Variants in KIAA1217 observed in about 807,000 individuals in gnomAD.
The protein encoded by KIAA1217 is sickle tail protein homolog.
Under a neutral mutation model 163.9 loss-of-function variants are expected in KIAA1217, and 88 were observed. That is an observed-to-expected ratio of 0.54 (90% CI 0.45 to 0.64). The LOEUF is 0.64. Ranked by LOEUF, KIAA1217 falls within the 30% of genes least tolerant of loss-of-function variation. KIAA1217 has a pLI of 0.00. For synonymous variants in KIAA1217, 903 were observed against 923.1 expected, an observed-to-expected ratio of 0.98 and a Z score of 0.39; for missense variants, 2,372 against 2,475.0, an observed-to-expected ratio of 0.96 and a Z score of 0.88.
intron 5 of KIAA1217, among the ~76,000 whole-genome samples, chr10:24,470,141 C>T (rs1008523965): frequency 7.9e-5 from 12 of 152,122 alleles, no homozygotes; most frequent in Admixed American, 1.3e-4. Flanking sequence ...CTGAGCCAGT[C>T]CCTCCTGTAT....
intron 2 of KIAA1217, among the ~76,000 whole-genome samples, chr10:24,324,367 G>A (rs965151304): frequency 6.6e-6 from 1 of 152,120 alleles, no homozygotes; most frequent in African/African-American, 2.4e-5. Context: ...AGGAGTTTAA[G>A]ACCAGCCTGT....
At chr10:23,956,117 C>CT (rs34526244) in intron 1 of KIAA1217, among the ~76,000 whole-genome samples, 2 of 151,692 alleles carry the variant, frequency 1.3e-5, no homozygotes, top group South Asian at 2.1e-4. Context: ...TCTCAAAGTT[C>CT]TTTTTTTAGG....
At chr10:24,054,085 G>T (rs940519548) in intron 2 of KIAA1217, among the ~76,000 whole-genome samples, 2 of 152,182 alleles carry the variant, frequency 1.3e-5, no homozygotes, top group African/African-American at 2.4e-5. Flanking sequence ...CAAGATGAAG[G>T]CCATGAGAGA....
intron 2 of KIAA1217, among the ~76,000 whole-genome samples, chr10:24,378,516 T>A (rs188577923): frequency 2.0e-5 from 3 of 152,312 alleles, no homozygotes; most frequent in East Asian, 1.9e-4. Flanking sequence ...GTCCATCTAT[T>A]GCATATATAT....
chr10:24,104,495 G>T (rs892087895), intron 2 of KIAA1217, among the ~76,000 whole-genome samples: 8 of 152,144 alleles, frequency 5.3e-5, no homozygotes, highest in African/African-American at 1.9e-4. Flanking sequence ...AAAGATCAGT[G>T]GTTGTCAGGT....
chr10:23,722,685 T>A (rs1837933291), intron 1 of KIAA1217, among the ~76,000 whole-genome samples: 1 of 152,212 alleles, frequency 6.6e-6, no homozygotes, highest in Non-Finnish European at 1.5e-5. Context: ...ATACCACAAT[T>A]ATTGGTGAGG....
intron 2 of KIAA1217, among the ~76,000 whole-genome samples, chr10:24,027,748 A>G (rs1204055691): frequency 2.6e-5 from 4 of 152,140 alleles, no homozygotes; most frequent in African/African-American, 9.7e-5. Flanking sequence ...TTCACATGGA[A>G]CTTAATAAGA....
chr10:24,047,540 A>G (rs953145112), intron 2 of KIAA1217, among the ~76,000 whole-genome samples: 1 of 152,210 alleles, frequency 6.6e-6, no homozygotes, highest in South Asian at 2.1e-4. Context: ...CTCTATTTAC[A>G]TACCTACAAT....
chr10:24,059,638 C>T (rs953592934), intron 2 of KIAA1217, among the ~76,000 whole-genome samples: 48 of 151,998 alleles, frequency 3.2e-4, no homozygotes, highest in African/African-American at 1.1e-3. Flanking sequence ...AGTGCAGTGG[C>T]GTGATCTTGG....
intron 1 of KIAA1217, among the ~76,000 whole-genome samples, chr10:23,946,007 T>A (rs1022008566): frequency 6.6e-6 from 1 of 152,212 alleles, no homozygotes; most frequent in Non-Finnish European, 1.5e-5. Flanking sequence ...TTAAGTTCCA[T>A]GTCAATAGTA....
chr10:24,372,938 C>A (rs1284453309), intron 2 of KIAA1217, among the ~76,000 whole-genome samples: 1 of 152,202 alleles, frequency 6.6e-6, no homozygotes, highest in Non-Finnish European at 1.5e-5. Flanking sequence ...CCAAATCAAA[C>A]CAATCTATCC....
intron 2 of KIAA1217, among the ~76,000 whole-genome samples, chr10:24,009,375 A>T (rs546272745): frequency 2.6e-5 from 4 of 151,948 alleles, no homozygotes; most frequent in African/African-American, 7.2e-5. Context: ...CAGAACATCG[A>T]CAGGGATTTT....
intron 2 of KIAA1217, among the ~76,000 whole-genome samples, chr10:24,012,998 C>G (rs1847305573): frequency 6.6e-6 from 1 of 152,154 alleles, no homozygotes; most frequent in South Asian, 2.1e-4. Flanking sequence ...TATTTATAAT[C>G]TTCAAATCAG....
At chr10:24,438,895 T>C (rs2060269916) in intron 5 of KIAA1217, among the ~76,000 whole-genome samples, 1 of 152,220 alleles carries the variant, frequency 6.6e-6, no homozygotes. Context: ...ACTCTTACAT[T>C]AGCTCTTCCA....
chr10:24,351,433 G>A (rs1042728985), intron 2 of KIAA1217, among the ~76,000 whole-genome samples: 8 of 152,116 alleles, frequency 5.3e-5, no homozygotes, highest in South Asian at 4.1e-4. Context: ...GTGTTCATGC[G>A]TGTCCTCCCT....
chr10:24,128,072 C>A (rs1216265300), intron 2 of KIAA1217, among the ~76,000 whole-genome samples: 2 of 152,198 alleles, frequency 1.3e-5, no homozygotes, highest in Non-Finnish European at 2.9e-5. Flanking sequence ...TTTTTAAAAT[C>A]CATCCTTTGC....
chr10:23,724,430 C>A (rs184548991), intron 1 of KIAA1217, among the ~76,000 whole-genome samples: 2 of 152,044 alleles, frequency 1.3e-5, no homozygotes, highest in East Asian at 3.9e-4. Flanking sequence ...ATTTTAAATT[C>A]TATTTAATTA....
chr10:24,261,779 T>C (rs2075753690), intron 2 of KIAA1217, among the ~76,000 whole-genome samples: 1 of 151,666 alleles, frequency 6.6e-6, no homozygotes, highest in Non-Finnish European at 1.5e-5. Flanking sequence ...CTGGGAAGAG[T>C]TGTAGGTCCT....
chr10:23,836,941 G>A (rs1838489451), intron 1 of KIAA1217, among the ~76,000 whole-genome samples: 1 of 150,238 alleles, frequency 6.7e-6, no homozygotes, highest in South Asian at 2.1e-4. Context: ...AAGGGAGGGA[G>A]GGAGGGAGGG....
Sources: allele counts gnomAD v4.1 joint callset (sites outside exome capture counted in the v4.1 genomes callset), GRCh38; gene constraint gnomAD v4.1.1; transcripts MANE v1.5; gene names NCBI Gene and HGNC (gene_info 2026-07-23, HGNC 2026-07-21).